Variants in COX10 observed in about 807,000 individuals in gnomAD.
The protein encoded by COX10 is cytochrome c oxidase assembly factor heme A:farnesyltransferase COX10.
In COX10, 27 loss-of-function variants were observed where a neutral mutation model predicts 37.3. That is an observed-to-expected ratio of 0.72 (90% confidence interval 0.53 to 1.00). COX10 has a LOEUF of 1.00. Among genes scored for constraint, COX10 ranks in the 50% least tolerant of loss-of-function variants. The probability of loss-of-function intolerance (pLI) is 0.00; values close to 1 mark genes in which losing one functional copy is unlikely to be tolerated. For missense variants in COX10, 475 were observed against 563.2 expected, an observed-to-expected ratio of 0.84 and a Z score of 1.59; for synonymous variants, 222 against 229.1, an observed-to-expected ratio of 0.97 and a Z score of 0.28.
At chr17:14,167,967 C>T (rs1263467327) in intron 5 of COX10, among the ~76,000 whole-genome samples, 2 of 152,204 alleles carry the variant, frequency 1.3e-5, no homozygotes, top group South Asian at 2.1e-4. Context: ...AAAGTCTTAA[C>T]TCATTCCAGC....
intron 4 of COX10, among the ~76,000 whole-genome samples, chr17:14,126,529 A>G (rs568043758): frequency 3.9e-5 from 6 of 152,130 alleles, no homozygotes; most frequent in Non-Finnish European, 8.8e-5. Flanking sequence ...GATGTGTTCA[A>G]ATTTTAGTAT....
At chr17:14,177,031 T>C (rs1905713647) in intron 5 of COX10, 1 of 385,538 alleles carries the variant, frequency 2.6e-6, no homozygotes, top group African/African-American at 2.1e-5. Flanking sequence ...AAAAAATCAA[T>C]GCAATGACAT....
chr17:14,205,920 C>G (rs1281293117), intron 6 of COX10, among the ~76,000 whole-genome samples: 2 of 152,140 alleles, frequency 1.3e-5, no homozygotes, highest in African/African-American at 4.8e-5. Context: ...GAGACTGTTC[C>G]AGAGAAAGGG....
At chr17:14,154,929 A>T (rs1475897402) in intron 4 of COX10, among the ~76,000 whole-genome samples, 1 of 152,216 alleles carries the variant, frequency 6.6e-6, no homozygotes, top group Non-Finnish European at 1.5e-5. Flanking sequence ...GAGAAGCTTG[A>T]AAGTAGCGTT....
chr17:14,186,013 A>G (rs1182603886), intron 5 of COX10, among the ~76,000 whole-genome samples: 1 of 152,186 alleles, frequency 6.6e-6, no homozygotes, highest in Admixed American at 6.5e-5. Flanking sequence ...TAGATTAAAG[A>G]TACAAGCTAG....
At position 14,158,309 on chromosome 17, in the gene COX10, A is replaced by G. The variant is rs537561313; in HGVS notation, c.625-1568A>G. ...GAAACATATGTCAAAGTTTTTTACA[A>G]AATTAAAGGGAACACAACTTACCAG... On this transcript the variant is annotated intron_variant, in intron 4 of 6. Transcript: ENST00000261643. Among the ~76,000 whole-genome samples, 27 of 152,104 alleles carry G rather than the reference A, an allele frequency of 1.8e-4. No homozygotes were observed. In the South Asian group the frequency reaches 2.1e-3, roughly 12 times the overall value.
At chr17:14,150,216 C>T (rs559278915) in intron 4 of COX10, among the ~76,000 whole-genome samples, 1 of 151,876 alleles carries the variant, frequency 6.6e-6, no homozygotes, top group South Asian at 2.1e-4. Context: ...GAGGTTGCAG[C>T]CACCCGTGAT....
chr17:14,072,814 T>C (rs1480749641), intron 1 of COX10, among the ~76,000 whole-genome samples: 2 of 152,206 alleles, frequency 1.3e-5, no homozygotes, highest in Non-Finnish European at 2.9e-5. Context: ...GGCTATCTAG[T>C]CATCAAACAT....
intron 4 of COX10, among the ~76,000 whole-genome samples, chr17:14,103,413 G>A (rs1479504093): frequency 3.9e-5 from 6 of 152,220 alleles, no homozygotes; most frequent in East Asian, 1.9e-4. Context: ...GGGACCCGAG[G>A]TTAAGCCAGG....
intron 5 of COX10, among the ~76,000 whole-genome samples, chr17:14,181,240 A>G (rs1035953079): frequency 6.6e-6 from 1 of 152,256 alleles, no homozygotes; most frequent in African/African-American, 2.4e-5. Flanking sequence ...CTAGATGCAC[A>G]GTTAATTAGA....
rs1050223 is a variant in COX10, at chr17:14,208,598, C to T, written c.*1385C>T. 0.27 allele frequency: 40,440 copies of T among 152,150 alleles called. 6,260 individuals carry two copies. Among genetic ancestry groups the T allele is most frequent in the Non-Finnish European group, 0.35 (23,666 of 67,990 alleles). 9.4% of individuals were successfully genotyped at this position (152,150 alleles called of 1,614,324 possible). A position where few individuals can be genotyped will look rare whatever the true frequency, so the allele number is the denominator to read the frequency against. On this transcript the variant is annotated 3_prime_UTR_variant, in exon 7 of 7. Coordinates refer to ENST00000261643, the MANE Select transcript of COX10 (RefSeq NM_001303.4). ...TTGCATAGGAATGTCTGGAAAAAGCCTCTACAACTTGTTACAGCCTTCACA... is the reference window on the plus strand; with the variant it reads ...TTGCATAGGAATGTCTGGAAAAAGCTTCTACAACTTGTTACAGCCTTCACA...
chr17:14,085,835 C>T (rs554013191), intron 3 of COX10, among the ~76,000 whole-genome samples: 12 of 152,286 alleles, frequency 7.9e-5, no homozygotes, highest in African/African-American at 2.9e-4. Flanking sequence ...GTGCTAGCCA[C>T]CTCACCATAT....
intron 4 of COX10, among the ~76,000 whole-genome samples, chr17:14,108,507 G>C (rs1006404123): frequency 6.6e-6 from 1 of 152,134 alleles, no homozygotes; most frequent in Non-Finnish European, 1.5e-5. Context: ...AGAAAGGTAA[G>C]TGTGACAAGG....
In COX10 at chr17:14,159,931, G is replaced by A. The variant is rs988356756; in HGVS notation, c.679G>A (p.Val227Ile). The A allele has an allele frequency of 1.9e-6, 3 of 1,612,370 alleles. No individual in the cohort carries two copies. Among genetic ancestry groups the A allele is most frequent in the African/African-American group, 2.7e-5 (2 of 74,876 alleles). The change falls in exon 5 of 7, where the codon GTT (valine) becomes ATT (isoleucine). Residue 227 changes from valine to isoleucine, a missense_variant. Around this residue, in one of 5 missense-constraint regions of COX10, gnomAD observed 54 missense variants for 70.6 expected, o/e 0.76. Coordinates refer to ENST00000261643, the MANE Select transcript of COX10 (RefSeq NM_001303.4). Reference protein sequence around the residue: ...NMNRTKNRPLVRGQISPLLAV... With the variant: ...NMNRTKNRPLIRGQISPLLAV... ...GAATAGGACAAAGAACAGACCGCTG[G>A]TTCGTGGACAGATCAGGTAAAATCA...
At chr17:14,134,778 T>G (rs1916543166) in intron 4 of COX10, among the ~76,000 whole-genome samples, 1 of 146,654 alleles carries the variant, frequency 6.8e-6, no homozygotes. Flanking sequence ...CCCTCGGTGT[T>G]TTTTTTTTTT....
chr17:14,141,248 C>G (rs932439609), intron 4 of COX10, among the ~76,000 whole-genome samples: 3 of 151,968 alleles, frequency 2.0e-5, no homozygotes, highest in Non-Finnish European at 4.4e-5. Flanking sequence ...TAAAGACTAC[C>G]TCTTACATCG....
At chr17:14,137,254 T>A (rs1904402414) in intron 4 of COX10, among the ~76,000 whole-genome samples, 1 of 151,026 alleles carries the variant, frequency 6.6e-6, no homozygotes, top group African/African-American at 2.4e-5. Context: ...TGTGCAAATA[T>A]ATTTATATAT....
chr17:14,074,130 G>A (rs1470896693), intron 1 of COX10, among the ~76,000 whole-genome samples, 193 bp from the exon 2 acceptor site: 1 of 152,070 alleles, frequency 6.6e-6, no homozygotes, highest in East Asian at 1.9e-4. Context: ...AGACCTACAC[G>A]GACTTAAACA....
chr17:14,143,787 G>A (rs1019225425), intron 4 of COX10, among the ~76,000 whole-genome samples: 1 of 152,130 alleles, frequency 6.6e-6, no homozygotes, highest in Non-Finnish European at 1.5e-5. Flanking sequence ...AAATGGATGA[G>A]ACGTATTTTC....
Sources: allele counts gnomAD v4.1 joint callset (sites outside exome capture counted in the v4.1 genomes callset), GRCh38; gene constraint gnomAD v4.1.1; regional missense constraint gnomAD v4.1.1; transcripts MANE v1.5; gene names NCBI Gene and HGNC (gene_info 2026-07-23, HGNC 2026-07-21).